The following FBXW4 variants were observed in gnomAD, a reference collection of about 807,000 sequenced individuals.
The protein encoded by FBXW4 is F-box/WD repeat-containing protein 4.
FBXW4 carries 40 observed loss-of-function variants against 61.8 expected under a neutral mutation model. The ratio of observed to expected loss-of-function variants is 0.65; its 90% confidence interval spans 0.50 to 0.84. The LOEUF is 0.84. FBXW4 is among the 40% of genes least tolerant of loss of function. The pLI, the probability that FBXW4 is intolerant of heterozygous loss-of-function variation, is 0.00. For synonymous variants in FBXW4, 311 were observed against 313.8 expected (o/e 0.99, Z 0.10); for missense variants, 672 against 753.8 (o/e 0.89, Z 1.27).
intron 5 of FBXW4, among the ~76,000 whole-genome samples, chr10:101,646,101 G>A (rs2064093603): frequency 6.6e-6 from 1 of 152,214 alleles, no homozygotes; most frequent in Non-Finnish European, 1.5e-5. Flanking sequence ...AGGCCATAGA[G>A]CATCAATTGG....
chr10:101,662,233 C>A (rs2064251521), intron 5 of FBXW4, among the ~76,000 whole-genome samples: 1 of 152,180 alleles, frequency 6.6e-6, no homozygotes, highest in South Asian at 2.1e-4. Flanking sequence ...ACACAGTAAA[C>A]CCTGTAGCTA....
intron 6 of FBXW4, among the ~76,000 whole-genome samples, chr10:101,617,694 G>T (rs960230484): frequency 1.3e-5 from 2 of 152,184 alleles, no homozygotes; most frequent in African/African-American, 4.8e-5. Context: ...AGGGGCAGCC[G>T]CGTAGATAAA....
intron 5 of FBXW4, among the ~76,000 whole-genome samples, chr10:101,647,336 A>G (rs1170407295): frequency 6.6e-6 from 1 of 152,096 alleles, no homozygotes; most frequent in Admixed American, 6.5e-5. Flanking sequence ...GGTGACTACC[A>G]CCTTAGAGAG....
chr10:101,671,624 C>A (rs1423934032), intron 4 of FBXW4, among the ~76,000 whole-genome samples: 1 of 151,978 alleles, frequency 6.6e-6, no homozygotes, highest in African/African-American at 2.4e-5. Flanking sequence ...GAAGCCATGA[C>A]AGGAAGATGG....
intron 1 of FBXW4, among the ~76,000 whole-genome samples, chr10:101,681,052 G>A (rs1227381485): frequency 1.3e-5 from 2 of 152,140 alleles, no homozygotes; most frequent in Non-Finnish European, 2.9e-5. Context: ...AATTTATAAA[G>A]GTAGAGGTGG....
intron 1 of FBXW4, among the ~76,000 whole-genome samples, chr10:101,679,968 A>C (rs1399751577): frequency 6.6e-6 from 1 of 152,140 alleles, no homozygotes; most frequent in Non-Finnish European, 1.5e-5. Context: ...GCTCCCACTT[A>C]TAAGTGAGAA....
intron 5 of FBXW4, among the ~76,000 whole-genome samples, chr10:101,665,607 T>C (rs184800246): frequency 6.6e-6 from 1 of 152,150 alleles, no homozygotes; most frequent in African/African-American, 2.4e-5. Context: ...GTGGCAGTCA[T>C]GTAGTAGCAG....
intron 5 of FBXW4, among the ~76,000 whole-genome samples, chr10:101,628,878 T>C (rs565690450): frequency 6.6e-6 from 1 of 152,330 alleles, no homozygotes; most frequent in South Asian, 2.1e-4. Flanking sequence ...CAGCCTTCTA[T>C]AATTTCTCAC....
intron 1 of FBXW4, among the ~76,000 whole-genome samples, chr10:101,689,943 T>A (rs2064576386): frequency 6.6e-6 from 1 of 152,168 alleles, no homozygotes; most frequent in South Asian, 2.1e-4. Flanking sequence ...ACACCTATTG[T>A]TAATTCCAGG....
intron 6 of FBXW4, 27 bp from the exon 7 acceptor site, chr10:101,612,504 G>T (rs1589734678): frequency 2.0e-6 from 3 of 1,526,830 alleles, no homozygotes; most frequent in Non-Finnish European, 1.8e-6. Flanking sequence ...GGAGTGAGAG[G>T]CTGCTCCACG....
At chr10:101,682,451 C>T (rs183052259) in intron 1 of FBXW4, among the ~76,000 whole-genome samples, 2 of 152,236 alleles carry the variant, frequency 1.3e-5, no homozygotes, top group Admixed American at 6.5e-5. Flanking sequence ...GTCTGCTCCT[C>T]GTATCTGCAA....
In FBXW4 at chr10:101,665,237, T is replaced by G. The variant is rs181463660; in HGVS notation, c.1235+2649A>C. ...AACACCGGCATACACTCTGGTCATCTAGTGTAAAGACAGAATCTCAAACAC... is the reference window on the plus strand; with the variant it reads ...AACACCGGCATACACTCTGGTCATCGAGTGTAAAGACAGAATCTCAAACAC... On this transcript the variant is annotated intron_variant, in intron 5 of 8. Coordinates refer to ENST00000331272, the MANE Select transcript of FBXW4 (RefSeq NM_022039.4). Among the ~76,000 whole-genome samples, 4 of 152,326 alleles carry G rather than the reference T, an allele frequency of 2.6e-5. No homozygotes were observed. The East Asian group carries it at 7.7e-4, about 29-fold the overall frequency.
chr10:101,662,653 G>A (rs1316750807), intron 5 of FBXW4, among the ~76,000 whole-genome samples: 1 of 152,212 alleles, frequency 6.6e-6, no homozygotes, highest in Non-Finnish European at 1.5e-5. Flanking sequence ...TTTGGAGACA[G>A]GGAAAGGGTT....
At chr10:101,657,596 C>T (rs778935402) in intron 5 of FBXW4, among the ~76,000 whole-genome samples, 1 of 142,940 alleles carries the variant, frequency 7.0e-6, no homozygotes, top group Non-Finnish European at 1.5e-5. Context: ...ATCATCATCA[C>T]GCCACTGTAG....
At chr10:101,624,166 T>G (rs2063889385) in intron 6 of FBXW4, among the ~76,000 whole-genome samples, 1 of 152,134 alleles carries the variant, frequency 6.6e-6, no homozygotes, top group Admixed American at 6.6e-5. Flanking sequence ...AGGGTCTATT[T>G]CCTGGTTTGA....
At chr10:101,681,023 T>G (rs1285377639) in intron 1 of FBXW4, among the ~76,000 whole-genome samples, 1 of 152,190 alleles carries the variant, frequency 6.6e-6, no homozygotes, top group African/African-American at 2.4e-5. Context: ...CAAGTAATGG[T>G]ATTTTTAAAA....
chr10:101,665,971 G>GA (rs2064295681), intron 5 of FBXW4, among the ~76,000 whole-genome samples: 1 of 152,160 alleles, frequency 6.6e-6, no homozygotes. Context: ...AAAACCAGCA[G>GA]AAGTCCACAA....
At chr10:101,618,098 G>A (rs774297710) in intron 6 of FBXW4, among the ~76,000 whole-genome samples, 17 of 152,162 alleles carry the variant, frequency 1.1e-4, no homozygotes, top group Non-Finnish European at 1.6e-4. Context: ...TGCAGGACAC[G>A]GCTTCCTTCT....
intron 6 of FBXW4, among the ~76,000 whole-genome samples, chr10:101,624,192 T>G (rs1473963641): frequency 6.6e-6 from 1 of 151,934 alleles, no homozygotes; most frequent in Non-Finnish European, 1.5e-5. Flanking sequence ...ACATATTATG[T>G]AAGATGTTAC....
Sources: allele counts gnomAD v4.1 joint callset (sites outside exome capture counted in the v4.1 genomes callset), GRCh38; gene constraint gnomAD v4.1.1; transcripts MANE v1.5; gene names NCBI Gene and HGNC (gene_info 2026-07-23, HGNC 2026-07-21).